SUCLG1: variants seen among roughly 807,000 people sequenced by gnomAD.
SUCLG1 encodes succinate--CoA ligase [ADP/GDP-forming] subunit alpha, mitochondrial.
In SUCLG1, 26 loss-of-function variants were observed where a neutral mutation model predicts 37.3. The ratio of observed to expected loss-of-function variants is 0.70; its 90% CI spans 0.51 to 0.97. SUCLG1 has a LOEUF of 0.97. SUCLG1 is among the 50% of genes least tolerant of loss of function. SUCLG1 has a pLI of 0.00. For missense variants in SUCLG1, 433 were observed against 432.9 expected, an observed-to-expected ratio of 1.00 and a Z score of 0.00; for synonymous variants, 163 against 155.6, an observed-to-expected ratio of 1.05 and a Z score of -0.36.
At chr2:84,439,269 T>C (rs892444919) in intron 5 of SUCLG1, among the ~76,000 whole-genome samples, 3 of 152,040 alleles carry the variant, frequency 2.0e-5, no homozygotes, top group Non-Finnish European at 2.9e-5. Flanking sequence ...GTTATGACCA[T>C]TCACAAAGGC....
intron 6 of SUCLG1, 143 bp downstream of exon 6, chr2:84,433,209 A>C (rs777691416): frequency 5.1e-6 from 4 of 784,046 alleles, no homozygotes; most frequent in Non-Finnish European, 8.8e-6. Flanking sequence ...CTTTACACTT[A>C]AGCAAATTAA....
intron 5 of SUCLG1, among the ~76,000 whole-genome samples, chr2:84,435,321 A>G (rs1573366424): frequency 2.6e-5 from 4 of 152,298 alleles, no homozygotes; most frequent in Admixed American, 2.6e-4. Flanking sequence ...TCCTTCTCTA[A>G]ATCTCCTCAA....
At position 84,425,714 on chromosome 2, in the gene SUCLG1, C is replaced by A. The variant is rs1672527603; in HGVS notation, c.826-111G>T. 2.5e-6 allele frequency: 3 copies of A among 1,182,916 alleles called. No homozygotes were observed. In the South Asian group the frequency reaches 3.7e-5, roughly 15 times the overall value. 73.3% of individuals were successfully genotyped at this position (1,182,916 alleles called of 1,614,324 possible). A position where few individuals can be genotyped will look rare whatever the true frequency, so the allele number is the denominator to read the frequency against. ...TAAATGGCTTGGGCAGGGGAAAGCC[C>A]ACCATTCATCTTAGGAAAACCAACA... On this transcript the variant is annotated intron_variant, in intron 7 of 8. Coordinates refer to ENST00000393868, the MANE Select transcript of SUCLG1 (RefSeq NM_003849.4).
At chr2:84,432,706 C>T (rs1379977722) in intron 6 of SUCLG1, 1 of 152,120 alleles carries the variant, frequency 6.6e-6, no homozygotes, top group East Asian at 1.9e-4. Context: ...AAAGATAATT[C>T]TAAAACATTA....
rs369848050 is a variant in SUCLG1, at chr2:84,425,603, C to A, written c.826G>T (p.Gly276Cys). The A allele has an allele frequency of 6.2e-7, 1 of 1,614,094 alleles. No homozygotes were observed. The highest frequency in any genetic ancestry group is 8.5e-7 in the Non-Finnish European group (1 of 1,180,022). Reference sequence around the variant, plus strand: ...GACACTACAGGCTTGGAATTTGGACCCTAGAAAGAAAGTAATATTTTAAAT... The same window carrying A: ...GACACTACAGGCTTGGAATTTGGACACTAGAAAGAAAGTAATATTTTAAAT... Reference protein sequence around the residue: ...AAEFLKQHNSGPNSKPVVSFI... With the variant: ...AAEFLKQHNSCPNSKPVVSFI... The change falls in exon 8 of 9, where the codon GGT becomes TGT. Residue 276 changes from glycine to cysteine, a missense_variant and splice_region_variant. Transcript: ENST00000393868.
chr2:84,448,986 T>C (rs1175491420), intron 2 of SUCLG1: 3 of 381,468 alleles, frequency 7.9e-6, no homozygotes, highest in Non-Finnish European at 1.6e-5. Context: ...AAGAAGATTC[T>C]TATGTGGCAT....
rs764918685 is a variant in SUCLG1, at chr2:84,443,316, G to C, written c.286C>G (p.Leu96Val). The change falls in exon 3 of 9, where the codon CTG (leucine) becomes GTG (valine). Residue 96 changes from leucine to valine, a missense_variant. Leu to Val is a conservative substitution (Grantham distance 32). Coordinates refer to ENST00000393868, the MANE Select transcript of SUCLG1 (RefSeq NM_003849.4). ...TTPGKGGQTH[L>V]GLPVFNTVKE... ...ACAGTATTAAAGACAGGTAAGCCCA[G>C]ATGTGTCTGGCCTCCTTTCCCTGGA... is the stretch of plus-strand genomic sequence containing the variant. 3 of 1,614,154 alleles carry C rather than the reference G, an allele frequency of 1.9e-6. No individual in the cohort carries two copies. Among genetic ancestry groups the C allele is most frequent in the Non-Finnish European group, 2.5e-6 (3 of 1,179,986 alleles).
intron 1 of SUCLG1, among the ~76,000 whole-genome samples, chr2:84,455,563 G>A (rs1484943591): frequency 1.3e-5 from 2 of 151,816 alleles, no homozygotes; most frequent in Admixed American, 6.6e-5. Context: ...AAAAAAATGT[G>A]GGTCTATCAC....
chr2:84,441,609 C>A (rs1672774985), intron 3 of SUCLG1, 150 bp from the exon 4 acceptor site: 2 of 909,224 alleles, frequency 2.2e-6, no homozygotes, highest in Non-Finnish European at 3.5e-6. Context: ...ATTTGCTACA[C>A]TGTCAGAGTA....
chr2:84,426,880 G>A (rs946769809), intron 7 of SUCLG1: 1 of 152,250 alleles, frequency 6.6e-6, no homozygotes, highest in Non-Finnish European at 1.5e-5. Context: ...AGATCATTTG[G>A]TCTAGGGATC....
chr2:84,443,294 G>A lies in SUCLG1; in HGVS notation c.308C>T (p.Thr103Ile), dbSNP rs202204626. 9 of 1,613,936 alleles carry A rather than the reference G, an allele frequency of 5.6e-6. No individual in the cohort carries two copies. Among genetic ancestry groups the A allele is most frequent in the Non-Finnish European group, 7.6e-6 (9 of 1,179,820 alleles). Residue 103 changes from threonine to isoleucine, a missense_variant, in exon 3 of 9, where the codon ACT (threonine) becomes ATT (isoleucine). Thr to Ile is a moderately conservative substitution (Grantham distance 89, BLOSUM62 -1). Transcript: ENST00000393868. ...QTHLGLPVFNTVKEAKEQTGA... is the reference protein window; with the variant it reads ...QTHLGLPVFNIVKEAKEQTGA... ...GGTACCACTAATTACCTCCTTCACA[G>A]TATTAAAGACAGGTAAGCCCAGATG...
intron 1 of SUCLG1, among the ~76,000 whole-genome samples, chr2:84,454,431 C>T (rs1000298999): frequency 2.0e-5 from 3 of 152,152 alleles, no homozygotes; most frequent in East Asian, 1.9e-4. Flanking sequence ...ACAGATACAG[C>T]AAGTGTTATA....
intron 7 of SUCLG1, 40 bp downstream of exon 7, chr2:84,431,468 T>G: frequency 6.2e-7 from 1 of 1,612,512 alleles, no homozygotes; most frequent in Non-Finnish European, 8.5e-7. Context: ...GCCTCTGATA[T>G]TAAGAGCAAA....
chr2:84,448,464 G>A (rs1037807624), intron 2 of SUCLG1, among the ~76,000 whole-genome samples: 19 of 137,484 alleles, frequency 1.4e-4, no homozygotes, highest in Admixed American at 1.5e-4. Flanking sequence ...CCAAAATACT[G>A]AAGAATTGAC....
intron 6 of SUCLG1, 26 bp downstream of exon 6, chr2:84,433,326 A>G (rs771864436): frequency 5.6e-6 from 9 of 1,605,846 alleles, no homozygotes; most frequent in Non-Finnish European, 7.7e-6. Flanking sequence ...CACTCCAATA[A>G]AATGATTTTA....
intron 5 of SUCLG1, 187 bp from the exon 6 acceptor site, chr2:84,433,622 G>T: frequency 4.9e-6 from 3 of 609,694 alleles, no homozygotes; most frequent in South Asian, 4.0e-5. Context: ...CAAGCAGGGG[G>T]GTTTTTTAAT....
chr2:84,444,120 C>G (rs948378501), intron 2 of SUCLG1, among the ~76,000 whole-genome samples: 2 of 152,218 alleles, frequency 1.3e-5, no homozygotes, highest in African/African-American at 4.8e-5. Flanking sequence ...CAACCAAAAA[C>G]AGCTCCAAGG....
At chr2:84,439,454 T>C (rs990030660) in intron 5 of SUCLG1, among the ~76,000 whole-genome samples, 2 of 152,158 alleles carry the variant, frequency 1.3e-5, no homozygotes, top group Admixed American at 1.3e-4. Context: ...TATTCAAATA[T>C]GTACAAGAGC....
intron 8 of SUCLG1, among the ~76,000 whole-genome samples, chr2:84,425,012 C>G (rs1250510461): frequency 6.6e-6 from 1 of 152,116 alleles, no homozygotes; most frequent in Non-Finnish European, 1.5e-5. Flanking sequence ...ACCTCCTCTC[C>G]CTAGAAACAG....
Sources: allele counts gnomAD v4.1 joint callset (sites outside exome capture counted in the v4.1 genomes callset), GRCh38; gene constraint gnomAD v4.1.1; transcripts MANE v1.5; gene names NCBI Gene and HGNC (gene_info 2026-07-23, HGNC 2026-07-21).